TSGA10: variants seen among roughly 807,000 people sequenced by gnomAD.
TSGA10 encodes the protein testis-specific gene 10 protein.
In TSGA10, 43 loss-of-function variants were observed where a neutral mutation model predicts 96.6. That is an observed-to-expected ratio of 0.44 (90% CI 0.35 to 0.57). TSGA10 has a LOEUF of 0.57. Ranked by LOEUF, TSGA10 falls within the 20% of genes least tolerant of loss-of-function variation. TSGA10 has a pLI of 0.01. For synonymous variants in TSGA10, 229 were observed against 269.9 expected (o/e 0.85, Z 1.48); for missense variants, 703 against 834.4 (o/e 0.84, Z 1.94).
chr2:99,084,518 G>A (rs1433248725), intron 10 of TSGA10, among the ~76,000 whole-genome samples: 7 of 152,002 alleles, frequency 4.6e-5, no homozygotes, highest in Admixed American at 3.9e-4. Flanking sequence ...AAGCTGTCTC[G>A]TGCCCTCACC....
intron 16 of TSGA10, among the ~76,000 whole-genome samples, chr2:99,049,925 A>G (rs2083211439): frequency 6.6e-6 from 1 of 152,178 alleles, no homozygotes; most frequent in African/African-American, 2.4e-5. Flanking sequence ...GTAATTATAA[A>G]AGACAGTATA....
intron 17 of TSGA10, among the ~76,000 whole-genome samples, chr2:99,021,928 C>G (rs1485448714): frequency 6.6e-6 from 1 of 152,054 alleles, no homozygotes; most frequent in Non-Finnish European, 1.5e-5. Context: ...TTGACAATAG[C>G]TTTTTTGAAA....
intron 16 of TSGA10, among the ~76,000 whole-genome samples, chr2:99,043,660 A>C (rs901348842): frequency 9.9e-5 from 15 of 152,222 alleles, no homozygotes; most frequent in Non-Finnish European, 1.8e-4. Flanking sequence ...ATTGCACAGG[A>C]ACTCCAATAA....
At chr2:99,102,329 T>A in intron 10 of TSGA10, 1 of 1,611,318 alleles carries the variant, frequency 6.2e-7, no homozygotes, top group Non-Finnish European at 8.5e-7. Context: ...GTGGTGAGAG[T>A]GAGAGGGGTT....
chr2:99,081,484 A>T (rs2087495139), intron 10 of TSGA10, 87 bp from the exon 11 acceptor site: 1 of 513,268 alleles, frequency 1.9e-6, no homozygotes, highest in Non-Finnish European at 3.4e-6. Context: ...TTTTAAGGAC[A>T]CTAATATATT....
intron 1 of TSGA10, among the ~76,000 whole-genome samples, chr2:99,135,010 C>T (rs1342461678): frequency 6.6e-6 from 1 of 152,162 alleles, no homozygotes; most frequent in African/African-American, 2.4e-5. Context: ...CCAGGGCTCT[C>T]CTATATGAGA....
At chr2:99,119,090 T>C (rs2104927108) in intron 2 of TSGA10, among the ~76,000 whole-genome samples, 1 of 152,114 alleles carries the variant, frequency 6.6e-6, no homozygotes, top group East Asian at 1.9e-4. Context: ...TGCCCTGAGG[T>C]TGCCCTTTTC....
At chr2:99,071,561 A>T (rs1303343986) in intron 14 of TSGA10, 145 bp downstream of exon 14, 1 of 629,334 alleles carries the variant, frequency 1.6e-6, no homozygotes, top group Non-Finnish European at 2.6e-6. Flanking sequence ...TTTAAAAATT[A>T]TGTGGCCTAT....
chr2:99,078,691 T>C lies in TSGA10; in HGVS notation c.850A>G (p.Ile284Val), dbSNP rs994515307. Residue 284 changes from isoleucine to valine, a missense_variant, in exon 12 of 21, where the codon ATT becomes GTT. This residue lies in a region of TSGA10 where 585 missense variants were observed against 656.8 expected (regional missense o/e 0.89). Transcript: ENST00000393483. The stretch of plus-strand genomic sequence containing the variant: ...GCCAAACTCTCTCCAAGGGATGCAA[T>C]ATTCTCAGATTTTTTATCCAAACAT... ...QACLDKKSEN[I>V]ASLGESLAMK... 2 of 1,613,610 alleles carry C rather than the reference T, an allele frequency of 1.2e-6. No homozygotes were observed. Among genetic ancestry groups the C allele is most frequent in the African/African-American group, 2.7e-5 (2 of 74,922 alleles).
In TSGA10 at chr2:99,118,692, A is replaced by C; in HGVS notation, c.-491-6T>G. The C allele has an allele frequency of 2.0e-6, 2 of 984,454 alleles. No individual in the cohort carries two copies. The highest frequency in any genetic ancestry group is 2.4e-6 in the Non-Finnish European group (2 of 829,212). The allele number at this position is 984,454 out of a possible 1,614,324, so 61.0% of individuals were successfully genotyped here. On this transcript the variant is annotated splice_polypyrimidine_tract_variant and splice_region_variant and intron_variant, in intron 2 of 20. Transcript: ENST00000393483. Reference sequence around the variant, plus strand: ...TCACAAAGGTATCCAAATGCCTTTAAAGGAAAAAAAAAATTAGACCCATTG... The same window carrying C: ...TCACAAAGGTATCCAAATGCCTTTACAGGAAAAAAAAAATTAGACCCATTG...
chr2:99,088,066 G>A (rs184825323), intron 10 of TSGA10, among the ~76,000 whole-genome samples: 233 of 152,272 alleles, frequency 1.5e-3, no homozygotes, highest in Admixed American at 2.6e-3. Context: ...TCTCACATGG[G>A]GTTCTGTGGG....
At chr2:99,044,402 G>C (rs1334837888) in intron 16 of TSGA10, among the ~76,000 whole-genome samples, 5 of 145,530 alleles carry the variant, frequency 3.4e-5, no homozygotes, top group African/African-American at 1.3e-4. Context: ...TGATAAAACA[G>C]ACTTTAAACC....
chr2:99,141,652 T>G (rs1384912243), intron 1 of TSGA10: 2 of 152,406 alleles, frequency 1.3e-5, no homozygotes, highest in Non-Finnish European at 2.9e-5. Context: ...GACTCATTTC[T>G]TAATCTCTGC....
In TSGA10 at chr2:99,027,656, T is replaced by C. The variant is rs541526018; in HGVS notation, c.1615-7174A>G. 5.3e-5 allele frequency among the ~76,000 whole-genome samples: 8 copies of C among 152,190 alleles called. No individual in the cohort carries two copies. In the East Asian group the frequency reaches 1.2e-3, roughly 22 times the overall value. ...ATACATAGACCAAAACATCACATTA[T>C]ACTCCATAAATATACATAATTATTA... is the stretch of plus-strand genomic sequence containing the variant. On this transcript the variant is annotated intron_variant, in intron 17 of 20. Coordinates refer to ENST00000393483, the MANE Select transcript of TSGA10 (RefSeq NM_025244.4).
rs184370226 is a variant in TSGA10 at position 99,120,067 on chromosome 2, A to G, written c.-491-1381T>C. Among the ~76,000 whole-genome samples, 8 of 152,316 alleles carry G rather than the reference A, an allele frequency of 5.3e-5. No individual in the cohort carries two copies. The East Asian group carries it at 1.2e-3, about 22-fold the overall frequency. Reference sequence around the variant, plus strand: ...ATATAAGTTTATCTCAATATTTTATAAGATGCATTAAAATCATTTATTTCC... The same window carrying G: ...ATATAAGTTTATCTCAATATTTTATGAGATGCATTAAAATCATTTATTTCC... On this transcript the variant is annotated intron_variant, in intron 2 of 20. Transcript: ENST00000393483.
At chr2:99,016,939 A>G (rs747844352) in intron 20 of TSGA10, among the ~76,000 whole-genome samples, 14 of 152,332 alleles carry the variant, frequency 9.2e-5, no homozygotes, top group Admixed American at 2.0e-4. Context: ...GCAAATTAAT[A>G]CCACAATGAG....
chr2:99,033,676 C>T (rs917449255), intron 17 of TSGA10, among the ~76,000 whole-genome samples: 1 of 152,006 alleles, frequency 6.6e-6, no homozygotes, highest in African/African-American at 2.4e-5. Context: ...TGCTGTCTTA[C>T]TAAAAATACA....
At chr2:99,077,484 G>GC (rs2086857940) in intron 12 of TSGA10, among the ~76,000 whole-genome samples, 1 of 152,106 alleles carries the variant, frequency 6.6e-6, no homozygotes, top group Admixed American at 6.5e-5. Flanking sequence ...AACAGCTTAG[G>GC]AACTGCTTTC....
At chr2:99,054,491 G>C (rs1288831947) in intron 16 of TSGA10, among the ~76,000 whole-genome samples, 5 of 152,122 alleles carry the variant, frequency 3.3e-5, no homozygotes, top group Admixed American at 2.6e-4. Flanking sequence ...AAAAGCATAG[G>C]CTTCAAAAGA....
Sources: gnomAD v4.1 joint callset for allele counts (sites outside exome capture counted in the v4.1 genomes callset) on GRCh38, gnomAD v4.1.1 for gene constraint, gnomAD v4.1.1 regional missense constraint, MANE v1.5 for transcripts, NCBI Gene and HGNC (gene_info 2026-07-23, HGNC 2026-07-21) for gene names.